Variants in DNAJC7 observed in about 807,000 individuals in gnomAD.
DNAJC7 encodes the protein DnaJ heat shock protein family (Hsp40) member C7.
In DNAJC7, 18 loss-of-function variants were observed where a neutral mutation model predicts 67.4. The ratio of observed to expected loss-of-function variants is 0.27; its 90% CI spans 0.18 to 0.40. The LOEUF (loss-of-function observed/expected upper bound fraction) is 0.40. DNAJC7 is among the 10% of genes least tolerant of loss of function. DNAJC7 has a pLI of 1.00. For missense variants in DNAJC7, 419 were observed against 613.8 expected, an observed-to-expected ratio of 0.68 and a Z score of 3.35; for synonymous variants, 220 against 207.8, an observed-to-expected ratio of 1.06 and a Z score of -0.50.
At chr17:41,981,331 G>C (rs1555645951) in intron 12 of DNAJC7, among the ~76,000 whole-genome samples, 1 of 152,028 alleles carries the variant, frequency 6.6e-6, no homozygotes, top group Non-Finnish European at 1.5e-5. Flanking sequence ...CGAGTAGCTG[G>C]GATTACAGGC....
At chr17:41,979,059 C>T (rs1215129791) in intron 12 of DNAJC7, among the ~76,000 whole-genome samples, 1 of 152,216 alleles carries the variant, frequency 6.6e-6, no homozygotes, top group African/African-American at 2.4e-5. Context: ...TAAATTCCGG[C>T]TGGGTGCGGT....
intron 1 of DNAJC7, 43 bp from the exon 2 acceptor site, chr17:42,000,613 G>T (rs2143271510): frequency 5.6e-6 from 8 of 1,439,262 alleles, no homozygotes; most frequent in Admixed American, 1.8e-5. Flanking sequence ...TTTACAAAGG[G>T]AATAACCTCT....
chr17:42,004,136 G>A (rs1351449318), intron 1 of DNAJC7, among the ~76,000 whole-genome samples: 1 of 151,850 alleles, frequency 6.6e-6, no homozygotes, highest in Non-Finnish European at 1.5e-5. Flanking sequence ...TGTATTTTTA[G>A]TAGAGACGGG....
intron 1 of DNAJC7, chr17:42,011,581 C>T (rs1291219326): frequency 6.6e-6 from 1 of 152,196 alleles, no homozygotes; most frequent in Admixed American, 6.5e-5. Context: ...TTTATCCCTT[C>T]CTTAACTTAT....
chr17:41,987,507 A>T (rs2051414592), intron 9 of DNAJC7: 2 of 332,170 alleles, frequency 6.0e-6, no homozygotes, highest in East Asian at 6.1e-5. Flanking sequence ...GCATAAGTGT[A>T]CAACACAAAA....
intron 1 of DNAJC7, chr17:42,016,500 G>A (rs185374112): frequency 1.6e-4 from 25 of 152,326 alleles, no homozygotes; most frequent in African/African-American, 6.0e-4. Context: ...GAACAAGTAT[G>A]ACTACCCACA....
Position 41,989,530 on chromosome 17 carries a change from A to G in DNAJC7, c.627T>C (p.Asn209=). The change falls in exon 7 of 14, where the codon AAT becomes AAC. Residue 209 remains asparagine, a synonymous_variant. Transcript: ENST00000457167. ...ASDILRMDST[N]ADALYVRGLC... ...GACCTCGTACATACAGAGCATCTGC[A>G]TTGGTGGAATCCATTCGTAGAATGT... 6.2e-7 allele frequency: 1 copy of G among 1,614,038 alleles called. No individual in the cohort carries two copies. Among genetic ancestry groups the G allele is most frequent in the Non-Finnish European group, 8.5e-7 (1 of 1,179,900 alleles).
chr17:42,013,414 C>T (rs1555651349), intron 1 of DNAJC7: 2 of 152,206 alleles, frequency 1.3e-5, no homozygotes, highest in African/African-American at 4.8e-5. Context: ...TCATTTTGCC[C>T]CCCTATGGGA....
intron 9 of DNAJC7, chr17:41,985,753 G>T (rs1389209455): frequency 6.6e-6 from 1 of 152,166 alleles, no homozygotes; most frequent in African/African-American, 2.4e-5. Flanking sequence ...CAGGCCAGAT[G>T]TAAGGGTTTG....
intron 8 of DNAJC7, among the ~76,000 whole-genome samples, chr17:41,988,339 T>C (rs1038454601): frequency 6.6e-6 from 1 of 152,232 alleles, no homozygotes; most frequent in African/African-American, 2.4e-5. Context: ...CAACCATGCA[T>C]GGTGACCATC....
In DNAJC7 at chr17:41,977,376, A is replaced by G. The variant is rs1439167152; in HGVS notation, c.1385-53T>C. 9.1e-5 allele frequency: 134 copies of G among 1,479,652 alleles called. No homozygotes were observed. The East Asian group carries it at 3.2e-3, about 36-fold the overall frequency. The allele number at this position is 1,479,652 out of a possible 1,614,324, so 91.7% of individuals were successfully genotyped here. ...GGGAAGAAAAGGTGAAAAATTAGAA[A>G]TGTTCGAAGAGAACTGATGACACTG... is the stretch of plus-strand genomic sequence containing the variant. On this transcript the variant is annotated intron_variant, in intron 12 of 13. Transcript: ENST00000457167.
chr17:41,992,505 C>T (rs782457673), intron 5 of DNAJC7: 1 of 152,148 alleles, frequency 6.6e-6, no homozygotes, highest in Non-Finnish European at 1.5e-5. Context: ...AATATGAAAA[C>T]TTAAGCATTA....
At chr17:41,979,657 T>TAAA (rs71155200) in intron 12 of DNAJC7, among the ~76,000 whole-genome samples, 36,306 of 47,652 alleles carry the variant, frequency 0.76, 14,791 homozygotes, top group South Asian at 0.89. Flanking sequence ...GGCTCAGTCT[T>TAAA]AAAAAAAAAA....
intron 1 of DNAJC7, chr17:42,016,979 G>A: frequency 8.1e-7 from 1 of 1,241,030 alleles, no homozygotes; most frequent in Middle Eastern, 3.4e-4. Flanking sequence ...GTTAACAAGA[G>A]AACGCGGGGG....
chr17:41,999,921 C>CAATT (rs1332202482), intron 2 of DNAJC7, among the ~76,000 whole-genome samples: 2 of 150,112 alleles, frequency 1.3e-5, no homozygotes, highest in African/African-American at 4.9e-5. Flanking sequence ...CGAGTTCAGG[C>CAATT]AATTCTCCTG....
rs1163533886 is a variant in DNAJC7 at position 41,989,274 on chromosome 17, A to G, written c.753+130T>C. 4 of 1,288,942 alleles carry G rather than the reference A, an allele frequency of 3.1e-6. No homozygotes were observed. The African/African-American group carries it at 4.5e-5, about 14-fold the overall frequency. The allele number at this position is 1,288,942 out of a possible 1,614,324, so 79.8% of individuals were successfully genotyped here. On this transcript the variant is annotated intron_variant, in intron 7 of 13. Transcript: ENST00000457167. ...AGTCCTGAAACCATTTCTAATAAAG[A>G]CCAAGCATCCTTGCAAAGCAGGAGG...
At chr17:41,994,652 A>T (rs2051607997) in intron 5 of DNAJC7, among the ~76,000 whole-genome samples, 1 of 152,144 alleles carries the variant, frequency 6.6e-6, no homozygotes, top group Non-Finnish European at 1.5e-5. Context: ...CAAGTGGCAC[A>T]CTCATTTTAC....
chr17:41,996,473 A>G, intron 3 of DNAJC7, 49 bp from the exon 4 acceptor site: 2 of 1,558,578 alleles, frequency 1.3e-6, no homozygotes, highest in Non-Finnish European at 1.8e-6. Flanking sequence ...GGCCAAGTGG[A>G]AAGAAATCAA....
Position 42,017,368 on chromosome 17 carries a change from C to T in DNAJC7, c.49G>A (p.Glu17Lys). 6.2e-7 allele frequency: 1 copy of T among 1,610,998 alleles called. No homozygotes were observed. The highest frequency in any genetic ancestry group is 1.1e-5 in the South Asian group (1 of 91,088). The change falls in exon 1 of 14, where the codon GAG (glutamate) becomes AAG (lysine). Residue 17 changes from glutamate to lysine, a missense_variant. Transcript: ENST00000457167. ...CDVVMAATEP[E>K]LLDDQEAKRE... ...TTCGCCTCTTGGTCGTCGAGCAGCT[C>T]CGGCTCGGTCGCCGCCATTACCACA...
Sources: allele counts gnomAD v4.1 joint callset (sites outside exome capture counted in the v4.1 genomes callset), GRCh38; gene constraint gnomAD v4.1.1; transcripts MANE v1.5; gene names NCBI Gene and HGNC (gene_info 2026-07-23, HGNC 2026-07-21).